Variants in KDM4C observed in about 807,000 individuals in gnomAD.
The protein encoded by KDM4C is lysine demethylase 4C.
KDM4C carries 81 observed loss-of-function variants against 129.3 expected under a neutral mutation model. The ratio of observed to expected loss-of-function variants is 0.63; its 90% CI spans 0.52 to 0.75. The LOEUF (loss-of-function observed/expected upper bound fraction) is 0.75. KDM4C is among the 30% of genes least tolerant of loss of function. The probability of loss-of-function intolerance (pLI) is 0.00; values close to 1 mark genes in which losing one functional copy is unlikely to be tolerated. For synonymous variants in KDM4C, 573 were observed against 456.1 expected (o/e 1.26, Z -3.26); for missense variants, 1,457 against 1,304.0 (o/e 1.12, Z -1.81).
chr9:6,796,991 A>AT (rs34065981), intron 2 of KDM4C, among the ~76,000 whole-genome samples: 41,959 of 143,812 alleles, frequency 0.29, 6,465 homozygotes, highest in African/African-American at 0.36. Context: ...TTAATGCACT[A>AT]TTTTTTTTTT....
intron 12 of KDM4C, among the ~76,000 whole-genome samples, chr9:7,002,505 T>C (rs1820911723): frequency 6.6e-6 from 1 of 152,224 alleles, no homozygotes; most frequent in Non-Finnish European, 1.5e-5. Context: ...ATTATTTCTC[T>C]TCAGATCATG....
At chr9:6,823,874 A>G (rs990787987) in intron 4 of KDM4C, among the ~76,000 whole-genome samples, 2 of 152,208 alleles carry the variant, frequency 1.3e-5, no homozygotes, top group African/African-American at 4.8e-5. Context: ...AGGCTTCTGT[A>G]GGTCTCATAT....
intron 19 of KDM4C, among the ~76,000 whole-genome samples, chr9:7,157,187 T>A (rs1311966219): frequency 6.6e-6 from 1 of 152,208 alleles, no homozygotes; most frequent in Non-Finnish European, 1.5e-5. Flanking sequence ...TGCTTGTGAT[T>A]TTTGCACATT....
chr9:7,098,851 T>C (rs533658757), intron 17 of KDM4C, among the ~76,000 whole-genome samples: 1 of 152,334 alleles, frequency 6.6e-6, no homozygotes, highest in South Asian at 2.1e-4. Context: ...ACATGAGTGA[T>C]TGACTTAATG....
intron 18 of KDM4C, among the ~76,000 whole-genome samples, chr9:7,110,014 C>T (rs935375596): frequency 1.3e-5 from 2 of 152,126 alleles, no homozygotes; most frequent in African/African-American, 4.8e-5. Context: ...TGAGGCCTCC[C>T]CAGCCATGTG....
chr9:6,949,331 G>A (rs1167015426), intron 8 of KDM4C, among the ~76,000 whole-genome samples: 7 of 151,678 alleles, frequency 4.6e-5, no homozygotes, highest in Admixed American at 2.6e-4. Context: ...TAGACGGGAT[G>A]GCGGCCGGGA....
intron 19 of KDM4C, among the ~76,000 whole-genome samples, chr9:7,129,856 A>C (rs1840428378): frequency 6.6e-6 from 1 of 152,184 alleles, no homozygotes; most frequent in Non-Finnish European, 1.5e-5. Flanking sequence ...TAGGCACTAT[A>C]ATTTTTCACA....
intron 12 of KDM4C, among the ~76,000 whole-genome samples, chr9:7,008,374 C>G (rs1032267852): frequency 6.6e-5 from 10 of 152,170 alleles, no homozygotes; most frequent in African/African-American, 2.2e-4. Flanking sequence ...TCCAGACCAG[C>G]ACCCACGGAG....
chr9:6,906,473 C>T (rs1239433098), intron 8 of KDM4C, among the ~76,000 whole-genome samples: 1 of 152,192 alleles, frequency 6.6e-6, no homozygotes, highest in Non-Finnish European at 1.5e-5. Flanking sequence ...ATGGTTTTGT[C>T]TCTGAGGCAA....
At chr9:6,944,656 T>TTTTTTTTTTTG (rs1826575498) in intron 8 of KDM4C, among the ~76,000 whole-genome samples, 4 of 140,034 alleles carry the variant, frequency 2.9e-5, no homozygotes, top group African/African-American at 7.8e-5. Flanking sequence ...GTAGAGGTTT[T>TTTTTTTTTTTG]TTTTTTTTTT....
intron 8 of KDM4C, among the ~76,000 whole-genome samples, chr9:6,935,993 A>G (rs1292612260): frequency 6.6e-6 from 1 of 152,190 alleles, no homozygotes; most frequent in African/African-American, 2.4e-5. Flanking sequence ...TTACATTGTC[A>G]GAAAAGTGTA....
At chr9:6,882,693 T>C (rs1308107354) in intron 6 of KDM4C, among the ~76,000 whole-genome samples, 1 of 152,274 alleles carries the variant, frequency 6.6e-6, no homozygotes, top group Non-Finnish European at 1.5e-5. Context: ...TGTTACCTTA[T>C]TAAAAAAGCA....
Position 6,758,268 on chromosome 9 carries a change from C to G in KDM4C, c.-18+65C>G. On this transcript the variant is annotated intron_variant, in intron 1 of 21. Transcript: ENST00000381309. The surrounding 1 kb of genome is among the most constrained non-coding windows in gnomAD (Gnocchi z 4.6). ...AGGGTCCGGAGAGGTCTTCCCGGCA[C>G]TGCCCCCCTCCGCGTGGGGCACGGG... is the stretch of plus-strand genomic sequence containing the variant. 1.1e-6 allele frequency: 1 copy of G among 927,530 alleles called. No individual in the cohort carries two copies. Among genetic ancestry groups the G allele is most frequent in the Non-Finnish European group, 1.3e-6 (1 of 777,226 alleles). 57.5% of individuals were successfully genotyped at this position (927,530 alleles called of 1,614,324 possible). A position where few individuals can be genotyped will look rare whatever the true frequency, so the allele number is the denominator to read the frequency against.
At chr9:6,897,931 G>C (rs780738680) in intron 8 of KDM4C, among the ~76,000 whole-genome samples, 4 of 152,146 alleles carry the variant, frequency 2.6e-5, no homozygotes, top group Admixed American at 6.5e-5. Context: ...ACTGTTTTCT[G>C]TTTCTGGAGC....
chr9:6,887,902 T>C, intron 6 of KDM4C, 58 bp from the exon 7 acceptor site: 1 of 1,006,948 alleles, frequency 9.9e-7, no homozygotes, highest in Non-Finnish European at 1.6e-6. Context: ...TTAAAAAACC[T>C]ATTTGATATT....
chr9:6,772,581 G>C (rs763020258), intron 1 of KDM4C, among the ~76,000 whole-genome samples: 2 of 152,086 alleles, frequency 1.3e-5, no homozygotes, highest in Non-Finnish European at 1.5e-5. Flanking sequence ...GGCTGGTCTT[G>C]AACTCCTGAC....
chr9:6,721,726 T>C (rs1816961949), intron 1 of KDM4C, among the ~76,000 whole-genome samples: 2 of 151,872 alleles, frequency 1.3e-5, no homozygotes, highest in Admixed American at 6.6e-5. Flanking sequence ...GTAGCTGGGA[T>C]TACAGGTGCC....
intron 8 of KDM4C, among the ~76,000 whole-genome samples, chr9:6,979,075 T>C (rs1816297828): frequency 6.6e-6 from 1 of 152,224 alleles, no homozygotes; most frequent in Non-Finnish European, 1.5e-5. Context: ...AGCATCACTT[T>C]TGTTCACTGT....
intron 8 of KDM4C, among the ~76,000 whole-genome samples, chr9:6,970,562 C>T (rs144948004): frequency 1.3e-5 from 2 of 152,098 alleles, no homozygotes; most frequent in Non-Finnish European, 2.9e-5. Flanking sequence ...GAAATTAGAG[C>T]TTGTGGTGGC....
Sources: gnomAD v4.1 joint callset for allele counts (sites outside exome capture counted in the v4.1 genomes callset) on GRCh38, gnomAD v4.1.1 for gene constraint, Gnocchi (gnomAD v3.1) non-coding constraint, MANE v1.5 for transcripts, NCBI Gene and HGNC (gene_info 2026-07-23, HGNC 2026-07-21) for gene names.